The following PCDH9 variants were observed in gnomAD, a reference collection of about 807,000 sequenced individuals.
PCDH9 encodes protocadherin 9.
In PCDH9, 24 loss-of-function variants were observed where a neutral mutation model predicts 70.6. That is an observed-to-expected ratio of 0.34 (90% CI 0.25 to 0.48). PCDH9 has a LOEUF of 0.48. Among genes scored for constraint, PCDH9 ranks in the 20% least tolerant of loss-of-function variants. The probability of loss-of-function intolerance (pLI) is 0.99; values close to 1 mark genes in which losing one functional copy is unlikely to be tolerated. For missense variants in PCDH9, 1,281 were observed against 1,503.6 expected, an observed-to-expected ratio of 0.85 and a Z score of 2.45; for synonymous variants, 562 against 558.5, an observed-to-expected ratio of 1.01 and a Z score of -0.09.
At chr13:67,127,512 G>A (rs2087005921) in intron 2 of PCDH9, among the ~76,000 whole-genome samples, 1 of 151,954 alleles carries the variant, frequency 6.6e-6, no homozygotes, top group African/African-American at 2.4e-5. Flanking sequence ...CACTCTGCAG[G>A]GTGCTAGTGT....
chr13:66,526,298 G>T (rs1960213115), intron 4 of PCDH9, among the ~76,000 whole-genome samples: 1 of 152,080 alleles, frequency 6.6e-6, no homozygotes, highest in Non-Finnish European at 1.5e-5. Context: ...TGTGTAAAGT[G>T]ACTGTGATCC....
intron 4 of PCDH9, among the ~76,000 whole-genome samples, chr13:66,539,649 G>T (rs949831540): frequency 6.6e-6 from 1 of 152,026 alleles, no homozygotes; most frequent in Non-Finnish European, 1.5e-5. Context: ...ATTGCTTTAA[G>T]TCATGGAGTA....
At chr13:66,880,087 C>G (rs1475057006) in intron 3 of PCDH9, 2 of 152,156 alleles carry the variant, frequency 1.3e-5, no homozygotes, top group African/African-American at 4.8e-5. Context: ...CTGCAAAGCA[C>G]TCAACTCAAT....
At chr13:66,696,485 C>A (rs2078564090) in intron 3 of PCDH9, among the ~76,000 whole-genome samples, 1 of 152,112 alleles carries the variant, frequency 6.6e-6, no homozygotes. Context: ...CTTCTCTAAC[C>A]TTTCCATAAA....
chr13:66,436,080 T>A (rs1487755451), intron 4 of PCDH9, among the ~76,000 whole-genome samples: 5 of 152,192 alleles, frequency 3.3e-5, no homozygotes, highest in African/African-American at 1.2e-4. Flanking sequence ...TTCTTATTTT[T>A]GCTTTATGGT....
chr13:66,631,217 G>T lies in PCDH9; in HGVS notation c.3333C>A (p.Pro1111=). The change falls in exon 4 of 5, where the codon CCC becomes CCA. Residue 1111 remains proline (P), a synonymous_variant. Coordinates refer to ENST00000377865, the MANE Select transcript of PCDH9 (RefSeq NM_203487.3). ...KRTEADGNSD[P]NSDGPLGPRG... is the part of the protein sequence containing the mutation. ...ATTTTGAAGGGGACTCACCAGAGTT[G>T]GGATCAGAGTTGCCATCTGCTTCAG... 5 of 1,568,366 alleles carry T rather than the reference G, an allele frequency of 3.2e-6. No homozygotes were observed. Among genetic ancestry groups the T allele is most frequent in the Non-Finnish European group, 4.4e-6 (5 of 1,138,212 alleles).
chr13:66,801,874 A>C (rs1422678633), intron 3 of PCDH9, among the ~76,000 whole-genome samples: 1 of 152,040 alleles, frequency 6.6e-6, no homozygotes, highest in Non-Finnish European at 1.5e-5. Context: ...TAAAATCACT[A>C]TAATCATTCT....
chr13:66,906,859 T>C (rs552800060), intron 2 of PCDH9, among the ~76,000 whole-genome samples: 196 of 152,230 alleles, frequency 1.3e-3, no homozygotes, highest in African/African-American at 4.3e-3. Flanking sequence ...GAATCCTCCC[T>C]AACAAATTTC....
intron 2 of PCDH9, chr13:67,223,506 T>C (rs2089779076): frequency 6.6e-6 from 1 of 152,158 alleles, no homozygotes; most frequent in South Asian, 2.1e-4. Flanking sequence ...ACCATGTGTA[T>C]TGTGAGTAAC....
intron 4 of PCDH9, among the ~76,000 whole-genome samples, chr13:66,404,556 A>T (rs1382715084): frequency 6.6e-6 from 1 of 152,138 alleles, no homozygotes. Context: ...AATAAAATTT[A>T]AAAAGAATGA....
intron 4 of PCDH9, among the ~76,000 whole-genome samples, chr13:66,307,823 G>A (rs994973047): frequency 2.6e-5 from 4 of 152,046 alleles, no homozygotes; most frequent in African/African-American, 9.7e-5. Flanking sequence ...CGAAGATTGA[G>A]AATGTGTTGT....
chr13:66,623,643 T>A (rs2077461287), intron 4 of PCDH9, among the ~76,000 whole-genome samples: 1 of 152,184 alleles, frequency 6.6e-6, no homozygotes. Flanking sequence ...TCTTGTTATG[T>A]TGCTCAGCCT....
chr13:66,610,998 C>T (rs992050643), intron 4 of PCDH9, among the ~76,000 whole-genome samples: 8 of 152,004 alleles, frequency 5.3e-5, no homozygotes, highest in African/African-American at 1.9e-4. Context: ...CTTTTTCATT[C>T]ATTGAAAAAT....
At chr13:66,901,156 A>C (rs2082271020) in intron 3 of PCDH9, among the ~76,000 whole-genome samples, 1 of 151,752 alleles carries the variant, frequency 6.6e-6, no homozygotes, top group Admixed American at 6.6e-5. Context: ...GTTTTCTTCA[A>C]GTTTTATTTT....
intron 3 of PCDH9, among the ~76,000 whole-genome samples, chr13:66,645,240 G>A (rs2077756101): frequency 6.6e-6 from 1 of 152,056 alleles, no homozygotes; most frequent in Non-Finnish European, 1.5e-5. Flanking sequence ...TTATTTTAGT[G>A]CATGAGTATG....
intron 3 of PCDH9, among the ~76,000 whole-genome samples, chr13:66,869,533 A>G (rs1301042695): frequency 6.6e-6 from 1 of 152,098 alleles, no homozygotes; most frequent in Non-Finnish European, 1.5e-5. Flanking sequence ...CCCTTTCTAA[A>G]TTGTATTGTT....
chr13:66,554,548 A>C (rs929532543), intron 4 of PCDH9, among the ~76,000 whole-genome samples: 6 of 152,132 alleles, frequency 3.9e-5, no homozygotes, highest in Admixed American at 1.3e-4. Context: ...AAAGTAAACT[A>C]ATAATTATAT....
intron 4 of PCDH9, among the ~76,000 whole-genome samples, chr13:66,526,682 G>T (rs1960232014): frequency 6.6e-6 from 1 of 151,898 alleles, no homozygotes; most frequent in Non-Finnish European, 1.5e-5. Context: ...CTGATATCCT[G>T]GTTTTGCCCT....
chr13:66,570,150 C>T (rs117893870), intron 4 of PCDH9, among the ~76,000 whole-genome samples: 2,042 of 152,046 alleles, frequency 0.013, 35 homozygotes, highest in East Asian at 0.04. Context: ...GGAAAAAAAC[C>T]CATATAAAAA....
Sources: allele counts gnomAD v4.1 joint callset (sites outside exome capture counted in the v4.1 genomes callset), GRCh38; gene constraint gnomAD v4.1.1; transcripts MANE v1.5; gene names NCBI Gene and HGNC (gene_info 2026-07-23, HGNC 2026-07-21).